Variants in SKAP1 observed in about 807,000 individuals in gnomAD.
SKAP1 encodes src kinase associated phosphoprotein 1, also known as src kinase-associated phosphoprotein 1.
Under a neutral mutation model 58.5 loss-of-function variants are expected in SKAP1, and 44 were observed. The observed-to-expected ratio is 0.75, with a 90% CI of 0.59 to 0.97. The LOEUF (loss-of-function observed/expected upper bound fraction) is 0.97. Ranked by LOEUF, SKAP1 falls within the 50% of genes least tolerant of loss-of-function variation. The pLI is 0.00. For missense variants in SKAP1, 390 were observed against 435.2 expected (o/e 0.90, Z 0.92); for synonymous variants, 127 against 149.7 (o/e 0.85, Z 1.11).
At chr17:48,444,801 G>A in the SKAP1 span, among the ~76,000 whole-genome samples, 1 of 152,160 alleles carries the variant, frequency 6.6e-6, no homozygotes, top group African/African-American at 2.4e-5. Context: ...CCAGTCCACC[G>A]GAAGTGAAGG....
chr17:48,385,955 G>A (rs1388784659), intron 2 of SKAP1, among the ~76,000 whole-genome samples: 3 of 152,162 alleles, frequency 2.0e-5, no homozygotes, highest in Non-Finnish European at 4.4e-5. Flanking sequence ...CTCAAAGATG[G>A]CTGGAATGCC....
chr17:48,184,603 G>C, intron 7 of SKAP1, 120 bp downstream of exon 7: 1 of 1,264,204 alleles, frequency 7.9e-7, no homozygotes, highest in Non-Finnish European at 1.1e-6. Context: ...GTCTTCGTTG[G>C]CATGAAATGA....
At chr17:48,150,844 G>C (rs114899367) in intron 11 of SKAP1, among the ~76,000 whole-genome samples, 1 of 152,148 alleles carries the variant, frequency 6.6e-6, no homozygotes, top group Non-Finnish European at 1.5e-5. Context: ...AGTCTGAAAC[G>C]GTTTGCTCTT....
intron 3 of SKAP1, among the ~76,000 whole-genome samples, chr17:48,360,318 A>T (rs1020317727): frequency 1.3e-5 from 2 of 152,158 alleles, no homozygotes; most frequent in Non-Finnish European, 2.9e-5. Flanking sequence ...TTATAATCAA[A>T]TTTTTTATTA....
intron 2 of SKAP1, among the ~76,000 whole-genome samples, chr17:48,393,134 A>G (rs2067371270): frequency 6.6e-6 from 1 of 152,178 alleles, no homozygotes; most frequent in South Asian, 2.1e-4. Context: ...GGCTCAATGA[A>G]AACTTAGACT....
intron 9 of SKAP1, among the ~76,000 whole-genome samples, chr17:48,176,471 G>C (rs1385539788): frequency 1.3e-5 from 2 of 151,914 alleles, no homozygotes; most frequent in African/African-American, 4.8e-5. Context: ...GTGGTGGTGA[G>C]AGAGGGCTCA....
intron 2 of SKAP1, chr17:48,380,348 G>T (rs937889351): frequency 1.3e-5 from 2 of 152,222 alleles, no homozygotes; most frequent in African/African-American, 4.8e-5. Flanking sequence ...AATGTTGTCA[G>T]CTACTGACAG....
intron 2 of SKAP1, 99 bp from the exon 3 acceptor site, chr17:48,363,913 G>T: frequency 2.2e-6 from 2 of 899,204 alleles, no homozygotes; most frequent in Non-Finnish European, 3.3e-6. Flanking sequence ...CAAAAAGCTT[G>T]CTAAAGTCTA....
intron 1 of SKAP1, among the ~76,000 whole-genome samples, chr17:48,410,920 G>T (rs1055278337): frequency 9.1e-6 from 1 of 110,244 alleles, no homozygotes; most frequent in Non-Finnish European, 1.7e-5. Context: ...GAGCGACAGA[G>T]CGAGACTCCA....
At chr17:48,321,674 G>A (rs967998509) in intron 4 of SKAP1, among the ~76,000 whole-genome samples, 3 of 151,914 alleles carry the variant, frequency 2.0e-5, no homozygotes, top group Non-Finnish European at 4.4e-5. Context: ...CACCGCGCTC[G>A]GCCTGTTTCA....
At chr17:48,340,333 T>C (rs1344757591) in intron 4 of SKAP1, among the ~76,000 whole-genome samples, 1 of 152,080 alleles carries the variant, frequency 6.6e-6, no homozygotes, top group Non-Finnish European at 1.5e-5. Context: ...TTTAAGTACC[T>C]AATAATATGA....
chr17:48,405,425 C>CT (rs1242189438), intron 1 of SKAP1, among the ~76,000 whole-genome samples: 2 of 86,000 alleles, frequency 2.3e-5, no homozygotes, highest in Non-Finnish European at 4.7e-5. Flanking sequence ...TTCTTTCTTT[C>CT]TTTCTTTCTT....
At chr17:48,366,010 C>T (rs1031373855) in intron 2 of SKAP1, among the ~76,000 whole-genome samples, 1 of 152,010 alleles carries the variant, frequency 6.6e-6, no homozygotes, top group African/African-American at 2.4e-5. Context: ...AAAACAACAA[C>T]AAAATAAGGC....
intron 4 of SKAP1, among the ~76,000 whole-genome samples, chr17:48,279,911 G>C (rs974848217): frequency 1.3e-5 from 2 of 152,108 alleles, no homozygotes; most frequent in Non-Finnish European, 2.9e-5. Context: ...CCTAAGGCCA[G>C]CATTTAACCC....
intron 4 of SKAP1, among the ~76,000 whole-genome samples, chr17:48,220,818 A>C (rs1288263201): frequency 7.5e-6 from 1 of 133,452 alleles, no homozygotes; most frequent in African/African-American, 2.9e-5. Flanking sequence ...GCGCCACTGC[A>C]CTCCAGCCTG....
intron 4 of SKAP1, among the ~76,000 whole-genome samples, chr17:48,332,129 T>C (rs962140335): frequency 3.9e-5 from 6 of 152,130 alleles, no homozygotes; most frequent in Admixed American, 1.3e-4. Context: ...ATTACATTCT[T>C]GTTTTAAAAT....
chr17:48,319,747 T>C (rs112902183), intron 4 of SKAP1, among the ~76,000 whole-genome samples: 2,294 of 151,986 alleles, frequency 0.015, 21 homozygotes, highest in South Asian at 0.028. Context: ...GAGGCTGAGG[T>C]GGGAGGATCA....
upstream of SKAP1, chr17:48,430,239 C>A: frequency 1.3e-6 from 1 of 788,866 alleles, no homozygotes; most frequent in Non-Finnish European, 1.7e-6. Flanking sequence ...CGCCGCCCGC[C>A]CAGCCCGGCC....
chr17:48,214,222 G>A (rs887283934), intron 4 of SKAP1, among the ~76,000 whole-genome samples: 7 of 151,948 alleles, frequency 4.6e-5, no homozygotes, highest in African/African-American at 1.7e-4. Flanking sequence ...TTTCACCCTC[G>A]AGCCTTCAAC....
Sources: allele counts gnomAD v4.1 joint callset (sites outside exome capture counted in the v4.1 genomes callset), GRCh38; gene constraint gnomAD v4.1.1; transcripts MANE v1.5; gene names NCBI Gene and HGNC (gene_info 2026-07-23, HGNC 2026-07-21).